NR3C2: variants seen among roughly 807,000 people sequenced by gnomAD.
The protein encoded by NR3C2 is nuclear receptor subfamily 3 group C member 2.
In NR3C2, 15 loss-of-function variants were observed where a neutral mutation model predicts 86.4. The observed-to-expected ratio is 0.17, with a 90% confidence interval of 0.12 to 0.27. The LOEUF is 0.27. Ranked by LOEUF, NR3C2 falls within the 10% of genes least tolerant of loss-of-function variation. The pLI is 1.00. For synonymous variants in NR3C2, 458 were observed against 450.5 expected (o/e 1.02, Z -0.21); for missense variants, 960 against 1,195.6 (o/e 0.80, Z 2.91).
At chr4:148,153,343 A>C (rs1478215185) in intron 5 of NR3C2, among the ~76,000 whole-genome samples, 1 of 152,052 alleles carries the variant, frequency 6.6e-6, no homozygotes, top group Admixed American at 6.6e-5. Context: ...ACGCCCAACT[A>C]AATTTTGTAT....
upstream of NR3C2, chr4:148,444,736 G>A: frequency 4.1e-6 from 4 of 985,154 alleles, no homozygotes; most frequent in Non-Finnish European, 4.8e-6. Flanking sequence ...AGGCAGCGGC[G>A]CCAAATCGCG....
intron 6 of NR3C2, among the ~76,000 whole-genome samples, chr4:148,129,493 C>A (rs1203310852): frequency 6.6e-6 from 1 of 152,114 alleles, no homozygotes; most frequent in Non-Finnish European, 1.5e-5. Context: ...GGTTAGAAGG[C>A]AAATTTTGTT....
intron 3 of NR3C2, among the ~76,000 whole-genome samples, chr4:148,211,662 C>T (rs1327075764): frequency 2.0e-5 from 3 of 152,078 alleles, no homozygotes; most frequent in East Asian, 1.9e-4. Context: ...GATCAAGTTA[C>T]GTGAAATAAT....
intron 3 of NR3C2, among the ~76,000 whole-genome samples, chr4:148,234,003 C>T (rs1479419725): frequency 6.6e-6 from 1 of 152,124 alleles, no homozygotes; most frequent in Non-Finnish European, 1.5e-5. Flanking sequence ...AATGCAATAA[C>T]TGCAAGGCAC....
At chr4:148,323,423 G>C (rs921784272) in intron 2 of NR3C2, among the ~76,000 whole-genome samples, 1 of 145,776 alleles carries the variant, frequency 6.9e-6, no homozygotes, top group Admixed American at 6.8e-5. Context: ...CGAGCTTCCT[G>C]GCTGCTTTGT....
intron 2 of NR3C2, among the ~76,000 whole-genome samples, chr4:148,371,802 T>G (rs2126387756): frequency 6.6e-6 from 1 of 152,250 alleles, no homozygotes; most frequent in South Asian, 2.1e-4. Context: ...ATTATATATA[T>G]TACACACAGT....
intron 2 of NR3C2, among the ~76,000 whole-genome samples, chr4:148,358,064 G>A (rs1391372536): frequency 2.0e-5 from 3 of 152,070 alleles, no homozygotes; most frequent in South Asian, 4.2e-4. Flanking sequence ...TCAGTGTGGC[G>A]ATTCCTCAGG....
chr4:148,289,945 T>C (rs1741719449), intron 2 of NR3C2, among the ~76,000 whole-genome samples: 1 of 152,096 alleles, frequency 6.6e-6, no homozygotes, highest in African/African-American at 2.4e-5. Context: ...CACAGGAGCA[T>C]GCTTGAAGAA....
chr4:148,081,688 T>G (rs1730567739), intron 8 of NR3C2, among the ~76,000 whole-genome samples, 189 bp from the exon 9 acceptor site: 1 of 152,174 alleles, frequency 6.6e-6, no homozygotes, highest in Non-Finnish European at 1.5e-5. Context: ...ACCCATGTCA[T>G]CTGCCTTTCA....
chr4:148,292,283 T>A (rs938738881), intron 2 of NR3C2, among the ~76,000 whole-genome samples: 1 of 152,036 alleles, frequency 6.6e-6, no homozygotes, highest in African/African-American at 2.4e-5. Context: ...TCAGCTGTCA[T>A]CCTGATATTT....
chr4:148,252,288 A>G (rs17024516), intron 3 of NR3C2, among the ~76,000 whole-genome samples: 10,480 of 152,184 alleles, frequency 0.069, 1,212 homozygotes, highest in African/African-American at 0.24. Flanking sequence ...TGTTTTCCCT[A>G]TGACAACAAT....
At chr4:148,321,683 A>T (rs943564337) in intron 2 of NR3C2, among the ~76,000 whole-genome samples, 2 of 151,970 alleles carry the variant, frequency 1.3e-5, no homozygotes, top group African/African-American at 4.8e-5. Flanking sequence ...CTGTTTTATC[A>T]GAGACTAGGA....
At chr4:148,290,300 A>T (rs1390535741) in intron 2 of NR3C2, among the ~76,000 whole-genome samples, 2 of 152,164 alleles carry the variant, frequency 1.3e-5, no homozygotes, top group Admixed American at 1.3e-4. Context: ...CTCTTTAAAG[A>T]GCTTATCTCC....
At chr4:148,396,250 A>G (rs541130802) in intron 2 of NR3C2, among the ~76,000 whole-genome samples, 2 of 152,376 alleles carry the variant, frequency 1.3e-5, no homozygotes, top group Non-Finnish European at 2.9e-5. Flanking sequence ...AATATAAAGC[A>G]GCACATAAAT....
upstream of NR3C2, chr4:148,442,569 C>A: frequency 1.2e-6 from 1 of 863,222 alleles, no homozygotes; most frequent in Non-Finnish European, 1.4e-6. Flanking sequence ...ATCCCGCCCC[C>A]CTGAACCCTT....
At chr4:148,328,674 A>G (rs144442003) in intron 2 of NR3C2, among the ~76,000 whole-genome samples, 5 of 152,336 alleles carry the variant, frequency 3.3e-5, no homozygotes, top group African/African-American at 1.2e-4. Context: ...CTTTGGTCTA[A>G]TTAGTAAAGA....
intron 2 of NR3C2, among the ~76,000 whole-genome samples, chr4:148,339,608 T>G (rs1270378324): frequency 1.3e-5 from 2 of 152,182 alleles, no homozygotes; most frequent in Admixed American, 6.6e-5. Flanking sequence ...CTAATTGATA[T>G]AGACTTGTGA....
At chr4:148,281,259 C>T (rs1446789699) in intron 2 of NR3C2, among the ~76,000 whole-genome samples, 4 of 152,188 alleles carry the variant, frequency 2.6e-5, no homozygotes, top group African/African-American at 4.8e-5. Flanking sequence ...TTTTATTTTC[C>T]TCCACGAAAC....
chr4:148,402,462 G>A (rs967848155), intron 2 of NR3C2, among the ~76,000 whole-genome samples: 9 of 152,156 alleles, frequency 5.9e-5, no homozygotes, highest in Non-Finnish European at 1.2e-4. Flanking sequence ...TGAGTTTCAG[G>A]TTTACTGTAA....
Sources: allele counts gnomAD v4.1 joint callset (sites outside exome capture counted in the v4.1 genomes callset), GRCh38; gene constraint gnomAD v4.1.1; transcripts MANE v1.5; gene names NCBI Gene and HGNC (gene_info 2026-07-23, HGNC 2026-07-21).